Variants in NXN observed in about 807,000 individuals in gnomAD.
NXN encodes nucleoredoxin.
A neutral mutation model predicts 48.6 loss-of-function variants in NXN; 16 were observed. The ratio of observed to expected loss-of-function variants is 0.33; its 90% CI spans 0.22 to 0.50. NXN has a LOEUF of 0.50. NXN is among the 20% of genes least tolerant of loss of function. NXN has a pLI of 0.98. For synonymous variants in NXN, 281 were observed against 269.6 expected (o/e 1.04, Z -0.41); for missense variants, 492 against 605.5 (o/e 0.81, Z 1.97).
chr17:838,004 G>C (rs1017539921), intron 1 of NXN, among the ~76,000 whole-genome samples: 11 of 151,922 alleles, frequency 7.2e-5, no homozygotes, highest in African/African-American at 2.4e-4. Flanking sequence ...TGCCGCACAC[G>C]TTCTTTCTGG....
At chr17:943,733 G>A (rs535205492) in intron 1 of NXN, among the ~76,000 whole-genome samples, 63 of 152,022 alleles carry the variant, frequency 4.1e-4, no homozygotes, top group African/African-American at 1.2e-3. Flanking sequence ...GCTGAGACAG[G>A]AGAACTGCTT....
At chr17:804,983 G>C (rs2295477) in intron 6 of NXN, 85 bp downstream of exon 6, 1 of 1,391,008 alleles carries the variant, frequency 7.2e-7, no homozygotes, top group Non-Finnish European at 9.9e-7. Context: ...AGAGAGAAGC[G>C]GCAGGGACAG....
At chr17:877,270 C>T (rs1238538047) in intron 1 of NXN, among the ~76,000 whole-genome samples, 3 of 150,216 alleles carry the variant, frequency 2.0e-5, no homozygotes, top group African/African-American at 7.3e-5. Flanking sequence ...GCCTCAGCCT[C>T]CTGGTAGCTG....
intron 1 of NXN, among the ~76,000 whole-genome samples, chr17:857,205 C>T (rs970978644): frequency 6.6e-6 from 1 of 152,176 alleles, no homozygotes; most frequent in African/African-American, 2.4e-5. Flanking sequence ...ACAGATGGCG[C>T]CTTCTTGCTG....
At position 956,754 on chromosome 17, in the gene NXN, G is replaced by A. The variant is rs150296574; in HGVS notation, c.360+22565C>T. On this transcript the variant is annotated intron_variant, in intron 1 of 7. Transcript: ENST00000336868. The surrounding 1 kb of genome is among the most constrained non-coding windows in gnomAD (Gnocchi z 4.1). ...TCAGTCATCGTCTTAAACCTCCACC[G>A]CAACCTGACAAGGTGGACGCTGCTA... is the stretch of plus-strand genomic sequence containing the variant. Among the ~76,000 whole-genome samples, 11 of 152,152 alleles carry A rather than the reference G, an allele frequency of 7.2e-5. No individual in the cohort carries two copies. The highest frequency in any genetic ancestry group is 2.2e-4 in the African/African-American group (9 of 41,518).
rs571777558 is a variant in NXN, at chr17:805,339, G to A, written c.821-92C>T. On this transcript the variant is annotated intron_variant, in intron 5 of 7. Coordinates refer to ENST00000336868, the MANE Select transcript of NXN (RefSeq NM_022463.5). ...GCGGGGTCCAGCCCGGGGTCCCCCC[G>A]ACCGTGGTGGAGCCCACCGAGGACC... 120 of 1,352,298 alleles carry A rather than the reference G, an allele frequency of 8.9e-5. 3 individuals carry two copies. Among genetic ancestry groups the A allele is most frequent in the South Asian group, 8.1e-4 (57 of 70,388 alleles). The allele number at this position is 1,352,298 out of a possible 1,614,324, so 83.8% of individuals were successfully genotyped here. A position where few individuals can be genotyped will look rare whatever the true frequency, so the allele number is the denominator to read the frequency against.
chr17:971,010 G>A (rs1046326365), intron 1 of NXN, among the ~76,000 whole-genome samples: 15 of 149,134 alleles, frequency 1.0e-4, no homozygotes, highest in African/African-American at 2.2e-4. Context: ...ACAGTGGTGC[G>A]ATCTCGGCTC....
chr17:813,408 G>A (rs1237632323), intron 5 of NXN, among the ~76,000 whole-genome samples: 1 of 152,244 alleles, frequency 6.6e-6, no homozygotes, highest in Non-Finnish European at 1.5e-5. Context: ...TGGAGGACAA[G>A]GACAGGGCAC....
intron 1 of NXN, among the ~76,000 whole-genome samples, chr17:851,020 G>A (rs1204707650): frequency 2.6e-5 from 4 of 152,236 alleles, no homozygotes; most frequent in African/African-American, 9.6e-5. Flanking sequence ...AACTGCTGAG[G>A]CCTTCGGAAC....
At position 885,246 on chromosome 17, in the gene NXN, G is replaced by A. The variant is rs529096697; in HGVS notation, c.361-59168C>T. ...TGGGAGGCCGAGACGGGCGGATCAC[G>A]AGGTCAGAGGTTGAGACCAGCCTGG... On this transcript the variant is annotated intron_variant, in intron 1 of 7. Coordinates refer to ENST00000336868, the MANE Select transcript of NXN (RefSeq NM_022463.5). Among the ~76,000 whole-genome samples, 13 of 152,246 alleles carry A rather than the reference G, an allele frequency of 8.5e-5. No homozygotes were observed. The East Asian group carries it at 9.7e-4, about 11-fold the overall frequency.
At chr17:813,368 C>T (rs879642762) in intron 5 of NXN, among the ~76,000 whole-genome samples, 1 of 152,206 alleles carries the variant, frequency 6.6e-6, no homozygotes, top group Admixed American at 6.5e-5. Flanking sequence ...CTGAGTGAGA[C>T]GGGCTCTGAA....
chr17:822,356 CCTGT>C lies in NXN; in HGVS notation c.710_713del (p.Asp237GlyfsTer50). Reference sequence around the variant, plus strand: ...GCCCAGCACTTCACGGCACGACTGACCTGTCTGCACTAACGAAGATGATCTCGAA... The same window carrying C: ...GCCCAGCACTTCACGGCACGACTGACCTGCACTAACGAAGATGATCTCGAA... On this transcript the variant is annotated frameshift_variant and splice_region_variant, in exon 4 of 8. Transcript: ENST00000336868. LOFTEE classifies it high-confidence loss of function. 1 of 1,611,016 alleles carries C rather than the reference CCTGT, an allele frequency of 6.2e-7. No individual in the cohort carries two copies. The highest frequency in any genetic ancestry group is 8.5e-7 in the Non-Finnish European group (1 of 1,177,274).
chr17:864,014 C>T (rs1304255506), intron 1 of NXN: 3 of 1,535,180 alleles, frequency 2.0e-6, no homozygotes, highest in Non-Finnish European at 2.6e-6. Flanking sequence ...GACACAGTTA[C>T]CGTTGCTGGG....
At chr17:859,402 T>G (rs1030795809) in intron 1 of NXN, among the ~76,000 whole-genome samples, 1 of 152,164 alleles carries the variant, frequency 6.6e-6, no homozygotes, top group Non-Finnish European at 1.5e-5. Context: ...TTTCTCCTAG[T>G]TTTAATTGCT....
intron 1 of NXN, among the ~76,000 whole-genome samples, chr17:840,868 A>G (rs1325848462): frequency 6.6e-6 from 1 of 152,174 alleles, no homozygotes; most frequent in Non-Finnish European, 1.5e-5. Flanking sequence ...AGGACGGCAC[A>G]CCAAGCTTCT....
chr17:863,413 C>T (rs1032893823), intron 1 of NXN, among the ~76,000 whole-genome samples: 2 of 152,078 alleles, frequency 1.3e-5, no homozygotes, highest in Admixed American at 6.6e-5. Context: ...ATGATCAGCC[C>T]GCCTCAGCCT....
At chr17:886,333 T>C (rs975845809) in intron 1 of NXN, among the ~76,000 whole-genome samples, 1 of 152,136 alleles carries the variant, frequency 6.6e-6, no homozygotes, top group African/African-American at 2.4e-5. Context: ...TTCTCTAACA[T>C]CCAAGCTGGA....
intron 1 of NXN, among the ~76,000 whole-genome samples, chr17:895,304 A>T (rs552379424): frequency 1.8e-4 from 27 of 151,862 alleles, no homozygotes; most frequent in Admixed American, 3.9e-4. Context: ...GGCATGAGCC[A>T]CCGCGCCTGG....
chr17:847,491 C>T lies in NXN; in HGVS notation c.361-21413G>A, dbSNP rs142354003. ...AGGCTTTCTCTAAATTGGCCTGGAC[C>T]GGTCCACAGCGGTAATGTCACCTCA... On this transcript the variant is annotated intron_variant, in intron 1 of 7. Transcript: ENST00000336868. Among the ~76,000 whole-genome samples, 1,267 of 152,248 alleles carry T rather than the reference C, an allele frequency of 8.3e-3. 14 individuals are homozygous for T. The highest frequency in any genetic ancestry group is 0.03 in the East Asian group (155 of 5,184).
Sources: allele counts gnomAD v4.1 joint callset (sites outside exome capture counted in the v4.1 genomes callset), GRCh38; gene constraint gnomAD v4.1.1; non-coding constraint Gnocchi (gnomAD v3.1); transcripts MANE v1.5; gene names NCBI Gene and HGNC (gene_info 2026-07-23, HGNC 2026-07-21).